APTX: variants seen among roughly 807,000 people sequenced by gnomAD.
APTX encodes forkhead-associated domain histidine triad-like protein.
APTX carries 33 observed loss-of-function variants against 42.3 expected under a neutral mutation model. The observed-to-expected ratio is 0.78, with a 90% CI of 0.59 to 1.04. APTX has a LOEUF of 1.04. Among genes scored for constraint, APTX ranks in the 50% least tolerant of loss-of-function variants. The pLI is 0.00. For synonymous variants in APTX, 130 were observed against 146.7 expected (o/e 0.89, Z 0.82); for missense variants, 421 against 415.1 (o/e 1.01, Z -0.12).
intron 1 of APTX, among the ~76,000 whole-genome samples, chr9:32,998,247 A>G (rs1835428796): frequency 6.6e-6 from 1 of 152,206 alleles, no homozygotes; most frequent in Non-Finnish European, 1.5e-5. Flanking sequence ...GGGGGCATGT[A>G]GGAGGTAGTT....
chr9:33,023,159 ACTGT>A (rs1838528685), intron 1 of APTX, among the ~76,000 whole-genome samples: 1 of 149,296 alleles, frequency 6.7e-6, no homozygotes, highest in African/African-American at 2.5e-5. Flanking sequence ...TTAACACTCA[ACTGT>A]TTGTTTCTGG....
At chr9:32,995,968 G>A (rs972411616) in intron 1 of APTX, among the ~76,000 whole-genome samples, 1 of 151,162 alleles carries the variant, frequency 6.6e-6, no homozygotes, top group Non-Finnish European at 1.5e-5. Context: ...AGCCACCAAC[G>A]TCAAGGCAAG....
At position 32,987,694 on chromosome 9, in the gene APTX, T is replaced by C. The variant is rs553864582; in HGVS notation, c.333A>G (p.Thr111=). 6.2e-7 allele frequency: 1 copy of C among 1,614,090 alleles called. No homozygotes were observed. The highest frequency in any genetic ancestry group is 8.5e-7 in the Non-Finnish European group (1 of 1,180,046). ...TGCCTGATCTCTTTCTCTTCCTGTG[T>C]GTTTCCAGGCCAGGGTTCTTTGCCT... The part of the protein sequence containing the change: ...EEEAKNPGLE[T]HRKRKRSGNS... The change falls in exon 4 of 8, where the codon ACA becomes ACG. Residue 111 remains threonine (T), a synonymous_variant. Transcript: ENST00000379817.
intron 1 of APTX, among the ~76,000 whole-genome samples, chr9:33,001,167 T>A (rs1305735051): frequency 7.0e-6 from 1 of 142,624 alleles, no homozygotes; most frequent in Non-Finnish European, 1.6e-5. Context: ...TCTTCTGGCA[T>A]TCCCTACAAG....
intron 1 of APTX, chr9:33,020,014 G>A (rs955467566): frequency 1.2e-4 from 48 of 404,656 alleles, no homozygotes; most frequent in African/African-American, 4.1e-5. Flanking sequence ...TGACACGTGC[G>A]GTGGGGGAGC....
At chr9:33,001,753 C>T, upstream of APTX, 1 of 1,024,068 alleles carries the variant, frequency 9.8e-7, no homozygotes, top group Non-Finnish European at 1.5e-6. Context: ...ATTGGGTTCT[C>T]TCTGGGCCGT....
chr9:32,986,997 G>C (rs1454355652), intron 4 of APTX, among the ~76,000 whole-genome samples: 2 of 151,368 alleles, frequency 1.3e-5, no homozygotes, highest in Admixed American at 6.6e-5. Context: ...ATTTTTAGTA[G>C]ACATGGAGTT....
rs534907918 is a variant in APTX, at chr9:32,989,845, C to A, written c.47G>T (p.Arg16Leu). The change falls in exon 2 of 8, where the codon CGA becomes CTA. Residue 16 changes from arginine (R) to leucine (L), a missense_variant. Arg to Leu is a moderately radical substitution (Grantham distance 102). Coordinates refer to ENST00000379817, the MANE Select transcript of APTX (RefSeq NM_001195248.2). ...WLVRQDSRHQRIRLPHLEAVV... is the reference protein window; with the variant it reads ...WLVRQDSRHQLIRLPHLEAVV... ...TGCTTCCAAATGTGGAAGTCTGATT[C>A]GCTGGTGCCGGCTGTCCTGTCTCAC... 1 of 1,614,118 alleles carries A rather than the reference C, an allele frequency of 6.2e-7. No homozygotes were observed. The highest frequency in any genetic ancestry group is 8.5e-7 in the Non-Finnish European group (1 of 1,180,058).
chr9:33,011,167 G>A (rs1837513952), intron 1 of APTX, among the ~76,000 whole-genome samples: 1 of 152,012 alleles, frequency 6.6e-6, no homozygotes, highest in South Asian at 2.1e-4. Context: ...AAAAAGTGGT[G>A]AGGATGTCTT....
chr9:33,001,349 C>G, intron 1 of APTX: 1 of 1,527,598 alleles, frequency 6.5e-7, no homozygotes. Context: ...CGGGAGCACA[C>G]GTGAACAAAC....
chr9:32,974,178 C>T lies in APTX; in HGVS notation c.874+280G>A, dbSNP rs960408571. Among the ~76,000 whole-genome samples, 3 of 152,196 alleles carry T rather than the reference C, an allele frequency of 2.0e-5. No individual in the cohort carries two copies. The East Asian group carries it at 5.8e-4, about 29-fold the overall frequency. On this transcript the variant is annotated intron_variant, in intron 7 of 7. Coordinates refer to ENST00000379817, the MANE Select transcript of APTX (RefSeq NM_001195248.2). The stretch of plus-strand genomic sequence containing the variant: ...ACAGCTTTCTTATCCATGAACTCCA[C>T]TAATTCTCACGGCAGCCTTTAAGTC...
chr9:32,979,647 C>G (rs1830261223), intron 6 of APTX: 1 of 158,400 alleles, frequency 6.3e-6, no homozygotes, highest in Admixed American at 6.5e-5. Context: ...ACAAGCCACT[C>G]TGGGTTCCAC....
intron 1 of APTX, among the ~76,000 whole-genome samples, chr9:33,017,939 C>CT (rs1360170336): frequency 6.9e-6 from 1 of 145,074 alleles, no homozygotes; most frequent in African/African-American, 2.5e-5. Context: ...CCCCCCCCCC[C>CT]CTCCCATTTT....
intron 6 of APTX, among the ~76,000 whole-genome samples, chr9:32,980,679 GAGCTGAGCTGTAGC>G (rs1830486312): frequency 6.6e-6 from 1 of 152,226 alleles, no homozygotes; most frequent in Admixed American, 6.5e-5. Context: ...GCCTACACTA[GAGCTGAGCTGTAGC>G]AGCTGAGATG....
At chr9:33,006,999 C>CAAAAA (rs55924566) in intron 1 of APTX, among the ~76,000 whole-genome samples, 27 of 49,450 alleles carry the variant, frequency 5.5e-4, no homozygotes, top group African/African-American at 8.8e-4. Flanking sequence ...GACTCTGTCT[C>CAAAAA]AAAAAAAAAA....
chr9:32,995,261 A>C (rs1020864695), intron 1 of APTX, among the ~76,000 whole-genome samples: 2 of 152,216 alleles, frequency 1.3e-5, no homozygotes, highest in Non-Finnish European at 2.9e-5. Flanking sequence ...AAACCTTCTG[A>C]AAAGGATACA....
chr9:32,989,882 C>G lies in APTX; in HGVS notation c.10G>C (p.Val4Leu). The stretch of plus-strand genomic sequence containing the variant: ...CTGTCCTGTCTCACCAACCAGCACA[C>G]CCGCATCATCACTCTAAGGGACAAA... MMR[V>L]CWLVRQDSRH... The change falls in exon 2 of 8, where the codon GTG becomes CTG. Residue 4 changes from valine to leucine, a missense_variant. Transcript: ENST00000379817. 6.2e-7 allele frequency: 1 copy of G among 1,614,074 alleles called. No individual in the cohort carries two copies. The highest frequency in any genetic ancestry group is 1.1e-5 in the South Asian group (1 of 91,078).
At chr9:33,004,490 AG>A (rs1405538607), upstream of APTX, among the ~76,000 whole-genome samples, 9 of 152,206 alleles carry the variant, frequency 5.9e-5, no homozygotes, top group Admixed American at 4.6e-4. Context: ...TATACACAGA[AG>A]TGAAACTGCT....
At chr9:33,017,805 G>C (rs998208137) in intron 1 of APTX, among the ~76,000 whole-genome samples, 2 of 152,028 alleles carry the variant, frequency 1.3e-5, no homozygotes, top group Admixed American at 6.6e-5. Context: ...CATTAGGTAA[G>C]CATGATTGAT....
Sources: allele counts gnomAD v4.1 joint callset (sites outside exome capture counted in the v4.1 genomes callset), GRCh38; gene constraint gnomAD v4.1.1; transcripts MANE v1.5; gene names NCBI Gene and HGNC (gene_info 2026-07-23, HGNC 2026-07-21).